SH3GLB2: variants seen among roughly 807,000 people sequenced by gnomAD.
SH3GLB2 encodes SH3 domain containing GRB2 like, endophilin B2.
SH3GLB2 carries 24 observed loss-of-function variants against 48.0 expected under a neutral mutation model. The observed-to-expected ratio is 0.50, with a 90% confidence interval of 0.36 to 0.70. SH3GLB2 has a LOEUF of 0.70. Ranked by LOEUF, SH3GLB2 falls within the 30% of genes least tolerant of loss-of-function variation. SH3GLB2 has a pLI of 0.00. For missense variants in SH3GLB2, 425 were observed against 516.0 expected, an observed-to-expected ratio of 0.82 and a Z score of 1.71; for synonymous variants, 227 against 207.6, an observed-to-expected ratio of 1.09 and a Z score of -0.80.
intron 9 of SH3GLB2, 171 bp from the exon 10 acceptor site, chr9:129,009,517 AC>A (rs1395791094): frequency 6.5e-7 from 1 of 1,547,986 alleles, no homozygotes; most frequent in Non-Finnish European, 8.7e-7. Context: ...AGATGGCCCC[AC>A]CCCCTGGTCC....
intron 3 of SH3GLB2, among the ~76,000 whole-genome samples, chr9:129,018,119 G>A (rs574895056): frequency 2.6e-5 from 4 of 151,978 alleles, no homozygotes; most frequent in Non-Finnish European, 4.4e-5. Flanking sequence ...AACATAGCAC[G>A]ACATGTTCAT....
chr9:129,022,487 TG>T, intron 1 of SH3GLB2, 64 bp from the exon 2 acceptor site: 1 of 1,323,400 alleles, frequency 7.6e-7, no homozygotes, highest in Non-Finnish European at 1.0e-6. Flanking sequence ...GGGGGAGTGG[TG>T]GGGAAAGGGA....
At position 129,016,279 on chromosome 9, in the gene SH3GLB2, G is replaced by A. The variant is rs141344474; in HGVS notation, c.335-1375C>T. On this transcript the variant is annotated intron_variant, in intron 3 of 10. Coordinates refer to ENST00000372564, the MANE Select transcript of SH3GLB2 (RefSeq NM_020145.4). ...AATTGCTTGAACCCAGGAGGCAGAG[G>A]TTGCAGTGAGCCAACGTCACACCAC... Among the ~76,000 whole-genome samples the A allele has an allele frequency of 4.8e-5, 7 of 144,966 alleles. No homozygotes were observed. The East Asian group carries it at 1.5e-3, about 31-fold the overall frequency.
Position 129,011,044 on chromosome 9 carries a change from G to T in SH3GLB2, c.625-351C>A. ...GGCTGCTGGGCTGGGCGGCAGAACTGTGTGACCCTGGGCCAGTCACTGAAG... is the reference window on the plus strand; with the variant it reads ...GGCTGCTGGGCTGGGCGGCAGAACTTTGTGACCCTGGGCCAGTCACTGAAG... On this transcript the variant is annotated intron_variant, in intron 6 of 10. Transcript: ENST00000372564. This position sits in a 1 kb window ranked among gnomAD's most constrained non-coding sequence, Gnocchi z 4.5. 1 of 339,424 alleles carries T rather than the reference G, an allele frequency of 2.9e-6. No individual in the cohort carries two copies. Among genetic ancestry groups the T allele is most frequent in the South Asian group, 4.7e-5 (1 of 21,116 alleles). 21.0% of individuals were successfully genotyped at this position (339,424 alleles called of 1,614,324 possible).
At chr9:129,009,674 TTG>T in intron 9 of SH3GLB2, 95 bp downstream of exon 9, 3 of 1,395,950 alleles carry the variant, frequency 2.1e-6, no homozygotes, top group Non-Finnish European at 3.0e-6. Context: ...CAACCCAGCT[TTG>T]TGTCACAGGA....
At chr9:129,026,281 T>C (rs917400238) in intron 1 of SH3GLB2, among the ~76,000 whole-genome samples, 1 of 152,004 alleles carries the variant, frequency 6.6e-6, no homozygotes, top group Non-Finnish European at 1.5e-5. Flanking sequence ...GCCCATCACA[T>C]GTATTGATCA....
chr9:129,023,953 G>A (rs996424452), intron 1 of SH3GLB2, among the ~76,000 whole-genome samples: 4 of 152,200 alleles, frequency 2.6e-5, no homozygotes, highest in East Asian at 1.9e-4. Flanking sequence ...GGGGGGTGGC[G>A]TTCACCCCAT....
chr9:129,016,880 T>A (rs1843459208), intron 3 of SH3GLB2, among the ~76,000 whole-genome samples: 1 of 147,994 alleles, frequency 6.8e-6, no homozygotes, highest in Admixed American at 6.8e-5. Context: ...CCAAAATACA[T>A]AAGGCAAACA....
intron 3 of SH3GLB2, chr9:129,015,658 A>G (rs1843377147): frequency 6.2e-6 from 1 of 161,062 alleles, no homozygotes; most frequent in South Asian, 1.5e-4. Flanking sequence ...TATGACTAAC[A>G]AGAGTCCCAG....
rs1278374276 is a variant in SH3GLB2 at position 129,009,261 on chromosome 9, G to A, written c.925C>T (p.Pro309Ser). 6.3e-7 allele frequency: 1 copy of A among 1,583,608 alleles called. No individual in the cohort carries two copies. The highest frequency in any genetic ancestry group is 8.6e-7 in the Non-Finnish European group (1 of 1,164,324). ...TSPTTAAATM[P>S]VVPSVASLAP... ...AGGCTGGCCACAGAGGGCACCACAGGCATAGTGGCCGCAGCAGTGGTGGGT... is the reference window on the plus strand; with the variant it reads ...AGGCTGGCCACAGAGGGCACCACAGACATAGTGGCCGCAGCAGTGGTGGGT... The change falls in exon 10 of 11, where the codon CCT (proline) becomes TCT (serine). Residue 309 changes from proline (P) to serine (S), a missense_variant. Transcript: ENST00000372564.
At position 129,028,062 on chromosome 9, in the gene SH3GLB2, C is replaced by T. The variant is rs1326594944; in HGVS notation, c.63+30G>A. 4.0e-6 allele frequency: 6 copies of T among 1,496,846 alleles called. No homozygotes were observed. The Admixed American group carries it at 8.7e-5, about 22-fold the overall frequency. 92.7% of individuals were successfully genotyped at this position (1,496,846 alleles called of 1,614,324 possible). On this transcript the variant is annotated intron_variant, in intron 1 of 10. Coordinates refer to ENST00000372564, the MANE Select transcript of SH3GLB2 (RefSeq NM_020145.4). Reference sequence around the variant, plus strand: ...TCCCCGCCCGCCGCACATCCGGGCCCCCGGCGCACGGCGCGACGCCAGGCC... The same window carrying T: ...TCCCCGCCCGCCGCACATCCGGGCCTCCGGCGCACGGCGCGACGCCAGGCC...
Position 129,008,639 on chromosome 9 carries a change from CCT to C in SH3GLB2, c.*43_*44del, listed in dbSNP as rs775515365. 3.2e-5 allele frequency: 47 copies of C among 1,471,278 alleles called. No individual in the cohort carries two copies. The highest frequency in any genetic ancestry group is 4.5e-5 in the Non-Finnish European group (47 of 1,052,072). The allele number at this position is 1,471,278 out of a possible 1,614,324, so 91.1% of individuals were successfully genotyped here. Reference sequence around the variant, plus strand: ...AGTTAAGTGGCAGGGCTGCGCCCATCCTCTCCTGCCTAGGCCAGAATGCGGGG... The same window carrying C: ...AGTTAAGTGGCAGGGCTGCGCCCATCCTCCTGCCTAGGCCAGAATGCGGGG... On this transcript the variant is annotated 3_prime_UTR_variant, in exon 11 of 11. Transcript: ENST00000372564.
At chr9:129,009,718 C>T in intron 9 of SH3GLB2, 53 bp downstream of exon 9, 1 of 1,526,358 alleles carries the variant, frequency 6.6e-7, no homozygotes, top group African/African-American at 1.4e-5. Context: ...TGCCCACGGA[C>T]AGGGTATGGG....
chr9:129,009,528 C>T lies in SH3GLB2; in HGVS notation c.840-182G>A, dbSNP rs888013572. The T allele has an allele frequency of 1.3e-5, 20 of 1,548,054 alleles. No individual in the cohort carries two copies. The African/African-American group carries it at 1.5e-4, about 12-fold the overall frequency. Reference sequence around the variant, plus strand: ...GGTGAGATGGCCCCACCCCCTGGTCCCTGCCATCCTCCCCACCCAGGCATT... The same window carrying T: ...GGTGAGATGGCCCCACCCCCTGGTCTCTGCCATCCTCCCCACCCAGGCATT... On this transcript the variant is annotated intron_variant, in intron 9 of 10. Coordinates refer to ENST00000372564, the MANE Select transcript of SH3GLB2 (RefSeq NM_020145.4).
chr9:129,021,123 G>C lies in SH3GLB2; in HGVS notation c.302C>G (p.Ala101Gly). ...GELLAQYMAD[A>G]ASELGPTTPY... The stretch of plus-strand genomic sequence containing the variant: ...GGTGGTCGGCCCCAGCTCACTGGCC[G>C]CGTCTGCCATGTACTGAGCCAGCAG... The change falls in exon 3 of 11, where the codon GCG (alanine) becomes GGG (glycine). Residue 101 changes from alanine (A) to glycine (G), a missense_variant. By Grantham distance (60) the Ala-to-Gly change is moderately conservative. Coordinates refer to ENST00000372564, the MANE Select transcript of SH3GLB2 (RefSeq NM_020145.4). 6.2e-7 allele frequency: 1 copy of C among 1,610,918 alleles called. No homozygotes were observed. Among genetic ancestry groups the C allele is most frequent in the South Asian group, 1.1e-5 (1 of 90,832 alleles).
intron 3 of SH3GLB2, among the ~76,000 whole-genome samples, chr9:129,020,206 CAAAAAAAAA>C (rs60400704): frequency 8.7e-5 from 2 of 22,986 alleles, no homozygotes; most frequent in Admixed American, 7.6e-4. Context: ...ACTCCATCTC[CAAAAAAAAA>C]AAAAAAAAAA....
chr9:129,022,162 G>A, intron 2 of SH3GLB2, 120 bp downstream of exon 2: 1 of 1,427,812 alleles, frequency 7.0e-7, no homozygotes, highest in Non-Finnish European at 9.3e-7. Context: ...TTGAGCCCAA[G>A]AGTCTAGCTG....
intron 3 of SH3GLB2, among the ~76,000 whole-genome samples, chr9:129,016,205 T>C (rs1843407709): frequency 6.6e-6 from 1 of 151,080 alleles, no homozygotes; most frequent in Non-Finnish European, 1.5e-5. Flanking sequence ...TAGCTGGGTG[T>C]GGTGGTGTGC....
chr9:129,025,994 AC>A (rs1280636761), intron 1 of SH3GLB2, among the ~76,000 whole-genome samples: 1 of 151,530 alleles, frequency 6.6e-6, no homozygotes, highest in African/African-American at 2.4e-5. Context: ...GCCCTCTCCC[AC>A]CCCCACTGGC....
Sources: allele counts gnomAD v4.1 joint callset (sites outside exome capture counted in the v4.1 genomes callset), GRCh38; gene constraint gnomAD v4.1.1; non-coding constraint Gnocchi (gnomAD v3.1); transcripts MANE v1.5; gene names NCBI Gene and HGNC (gene_info 2026-07-23, HGNC 2026-07-21).